The following TBC1D32 variants were observed in gnomAD, a reference collection of about 807,000 sequenced individuals.
TBC1D32 encodes TBC1 domain family member 32.
TBC1D32 carries 151 observed loss-of-function variants against 170.3 expected under a neutral mutation model. The observed-to-expected ratio is 0.89, with a 90% CI of 0.78 to 1.01. TBC1D32 has a LOEUF of 1.01. TBC1D32 is among the 50% of genes least tolerant of loss of function. The probability of loss-of-function intolerance (pLI) is 0.00; values close to 1 mark genes in which losing one functional copy is unlikely to be tolerated. For synonymous variants in TBC1D32, 498 were observed against 488.0 expected (o/e 1.02, Z -0.27); for missense variants, 1,464 against 1,457.1 (o/e 1.00, Z -0.08).
rs1359425789 is a variant in TBC1D32, at chr6:121,112,371, C to A, written c.3324+134G>T. On this transcript the variant is annotated intron_variant, in intron 29 of 31. Coordinates refer to ENST00000398212, the MANE Select transcript of TBC1D32 (RefSeq NM_152730.6). ...ATCTATATAATCAAAGAGAATTAGT[C>A]AAAAAACATTCAAGTAGAAAAATGA... is the stretch of plus-strand genomic sequence containing the variant. The A allele has an allele frequency of 3.9e-6, 3 of 773,682 alleles. No individual in the cohort carries two copies. The African/African-American group carries it at 5.4e-5, about 14-fold the overall frequency. The allele number at this position is 773,682 out of a possible 1,614,324, so 47.9% of individuals were successfully genotyped here.
At chr6:121,138,004 A>G (rs1184660785) in intron 24 of TBC1D32, among the ~76,000 whole-genome samples, 1 of 152,040 alleles carries the variant, frequency 6.6e-6, no homozygotes, top group East Asian at 1.9e-4. Context: ...ATTATCCTGA[A>G]GTTTATTTTT....
At chr6:121,120,420 A>T (rs970509089) in intron 26 of TBC1D32, among the ~76,000 whole-genome samples, 1 of 152,102 alleles carries the variant, frequency 6.6e-6, no homozygotes, top group Non-Finnish European at 1.5e-5. Context: ...AATATGGTCC[A>T]ATAAAGCAAT....
At chr6:121,324,520 A>G (rs1278096374) in intron 1 of TBC1D32, among the ~76,000 whole-genome samples, 1 of 152,124 alleles carries the variant, frequency 6.6e-6, no homozygotes, top group Non-Finnish European at 1.5e-5. Context: ...GCAAACATTA[A>G]TTTTCAGAAA....
At chr6:121,219,329 G>C (rs1289344046) in intron 21 of TBC1D32, among the ~76,000 whole-genome samples, 1 of 152,100 alleles carries the variant, frequency 6.6e-6, no homozygotes, top group Non-Finnish European at 1.5e-5. Flanking sequence ...TCTTTCTACA[G>C]GGTTAAAATA....
intron 17 of TBC1D32, among the ~76,000 whole-genome samples, chr6:121,254,959 A>G (rs1798772635): frequency 6.6e-6 from 1 of 152,084 alleles, no homozygotes; most frequent in Non-Finnish European, 1.5e-5. Context: ...TAGAAAAATA[A>G]TATTTTAAAT....
At chr6:121,186,601 TTGCTC>T (rs532087608) in intron 22 of TBC1D32, among the ~76,000 whole-genome samples, 113 of 152,200 alleles carry the variant, frequency 7.4e-4, no homozygotes, top group African/African-American at 2.6e-3. Flanking sequence ...ATTTTAAACT[TTGCTC>T]TGTTAAGTAA....
At chr6:121,203,646 G>T (rs1006156850) in intron 22 of TBC1D32, among the ~76,000 whole-genome samples, 1 of 151,072 alleles carries the variant, frequency 6.6e-6, no homozygotes, top group Non-Finnish European at 1.5e-5. Flanking sequence ...ACTCTGTAAG[G>T]AAAATAATGT....
intron 30 of TBC1D32, chr6:121,096,357 A>G (rs1762431999): frequency 6.6e-6 from 1 of 152,126 alleles, no homozygotes; most frequent in Admixed American, 6.6e-5. Flanking sequence ...GTCTCAGGAT[A>G]CAAAATCAAC....
Position 121,304,818 on chromosome 6 carries a change from AT to A in TBC1D32, c.705del (p.Lys235AsnfsTer14). On this transcript the variant is annotated frameshift_variant, in exon 6 of 32. Coordinates refer to ENST00000398212, the MANE Select transcript of TBC1D32 (RefSeq NM_152730.6). LOFTEE classifies it high-confidence loss of function. The part of the protein sequence containing the change: ...PDPVFSDRIL[K>X]FCAQTFLLSP... ...GAAAGCAAAAATGTCTGTGCACAGA[AT>A]TTTAAAATCCGGTCCTACGGAAATG... 6.2e-7 allele frequency: 1 copy of A among 1,609,618 alleles called. No individual in the cohort carries two copies. The highest frequency in any genetic ancestry group is 8.5e-7 in the Non-Finnish European group (1 of 1,178,136).
At chr6:121,283,070 A>G (rs1048553635) in intron 13 of TBC1D32, among the ~76,000 whole-genome samples, 2 of 151,882 alleles carry the variant, frequency 1.3e-5, no homozygotes, top group Non-Finnish European at 3.0e-5. Context: ...TGAACAGTGA[A>G]CACTGTACTG....
chr6:121,117,845 C>G (rs558728998), intron 26 of TBC1D32, among the ~76,000 whole-genome samples: 1 of 152,196 alleles, frequency 6.6e-6, no homozygotes, highest in South Asian at 2.1e-4. Flanking sequence ...AAATACATCT[C>G]AGACAACAAA....
At chr6:121,215,097 T>C (rs1266342099) in intron 21 of TBC1D32, among the ~76,000 whole-genome samples, 2 of 152,206 alleles carry the variant, frequency 1.3e-5, no homozygotes, top group Non-Finnish European at 2.9e-5. Context: ...AGTCAGGGTG[T>C]CCCAACATCT....
intron 24 of TBC1D32, among the ~76,000 whole-genome samples, chr6:121,154,306 C>T (rs138258486): frequency 7.5e-4 from 114 of 152,264 alleles, no homozygotes; most frequent in Admixed American, 6.7e-3. Context: ...TCTGTTCACC[C>T]TCCGTGGGCT....
intron 31 of TBC1D32, among the ~76,000 whole-genome samples, chr6:121,082,009 G>A (rs1021365645): frequency 2.2e-4 from 33 of 151,952 alleles, no homozygotes; most frequent in African/African-American, 7.5e-4. Context: ...ATACCATTAA[G>A]GCTAGAACAA....
chr6:121,085,701 T>C (rs1387599941), intron 31 of TBC1D32, among the ~76,000 whole-genome samples: 1 of 152,076 alleles, frequency 6.6e-6, no homozygotes, highest in African/African-American at 2.4e-5. Flanking sequence ...TTTTCATAAG[T>C]ACCCTAAGTG....
intron 26 of TBC1D32, among the ~76,000 whole-genome samples, chr6:121,125,606 T>A (rs1003297406): frequency 2.0e-5 from 3 of 152,108 alleles, no homozygotes; most frequent in Non-Finnish European, 4.4e-5. Context: ...TGCTGTGAGA[T>A]GGAGCCTCAT....
chr6:121,091,033 C>T lies in TBC1D32; in HGVS notation c.3474G>A (p.Leu1158=). 1.3e-6 allele frequency: 2 copies of T among 1,568,084 alleles called. No homozygotes were observed. The highest frequency in any genetic ancestry group is 1.7e-6 in the Non-Finnish European group (2 of 1,169,594). The part of the protein sequence containing the change: ...MSGFAPSQIC[L]QWITQCFWNY... ...TCCAAAAACACTGGGTTATCCATTGCAGGCAAATCTTTAAAAAAAAAAAGT... is the reference window on the plus strand; with the variant it reads ...TCCAAAAACACTGGGTTATCCATTGTAGGCAAATCTTTAAAAAAAAAAAGT... The change falls in exon 31 of 32, where the codon CTG becomes CTA. Residue 1158 remains leucine (L), a synonymous_variant. Transcript: ENST00000398212.
chr6:121,262,434 C>CA (rs201667154), intron 15 of TBC1D32, among the ~76,000 whole-genome samples: 1,880 of 150,238 alleles, frequency 0.013, 39 homozygotes, highest in African/African-American at 0.043. Flanking sequence ...GATATCTCAG[C>CA]AAAAAATCTA....
At chr6:121,116,231 T>C (rs985833664) in intron 26 of TBC1D32, among the ~76,000 whole-genome samples, 9 of 152,012 alleles carry the variant, frequency 5.9e-5, no homozygotes, top group Non-Finnish European at 1.2e-4. Context: ...ATAATCTATT[T>C]CACTTCCAGG....
Sources: gnomAD v4.1 joint callset for allele counts (sites outside exome capture counted in the v4.1 genomes callset) on GRCh38, gnomAD v4.1.1 for gene constraint, MANE v1.5 for transcripts, NCBI Gene and HGNC (gene_info 2026-07-23, HGNC 2026-07-21) for gene names.